ARMC2: variants seen among roughly 807,000 people sequenced by gnomAD.
ARMC2 encodes the protein armadillo repeat containing 2, also known as armadillo repeat-containing protein 2.
A neutral mutation model predicts 90.3 loss-of-function variants in ARMC2; 67 were observed. The ratio of observed to expected loss-of-function variants is 0.74; its 90% CI spans 0.61 to 0.91. The LOEUF (loss-of-function observed/expected upper bound fraction) is 0.91, where lower values mean the gene tolerates loss of function less well. Ranked by LOEUF, ARMC2 falls within the 40% of genes least tolerant of loss-of-function variation. ARMC2 has a pLI of 0.00. For synonymous variants in ARMC2, 393 were observed against 393.0 expected, an observed-to-expected ratio of 1.00 and a Z score of 0.00; for missense variants, 920 against 1,030.9, an observed-to-expected ratio of 0.89 and a Z score of 1.47.
the ARMC2 span, among the ~76,000 whole-genome samples, chr6:109,013,529 A>G: frequency 2.6e-5 from 4 of 152,192 alleles, no homozygotes; most frequent in Non-Finnish European, 4.4e-5. Flanking sequence ...TAATCAATTC[A>G]TGACAAGGAA....
At chr6:109,035,679 C>T in the ARMC2 span, among the ~76,000 whole-genome samples, 1 of 152,154 alleles carries the variant, frequency 6.6e-6, no homozygotes, top group East Asian at 1.9e-4. Flanking sequence ...TAATGCACTG[C>T]TGCCTCAAAT....
chr6:109,036,640 G>A, the ARMC2 span, among the ~76,000 whole-genome samples: 1 of 152,104 alleles, frequency 6.6e-6, no homozygotes, highest in Admixed American at 6.5e-5. Context: ...TTTTTTTTAG[G>A]TTGTGGTTTT....
chr6:108,953,644 A>T (rs1382650530), intron 13 of ARMC2, among the ~76,000 whole-genome samples: 1 of 152,266 alleles, frequency 6.6e-6, no homozygotes, highest in African/African-American at 2.4e-5. Flanking sequence ...GCAATTTTTT[A>T]AAATTATACT....
rs557115482 is a variant in ARMC2 at position 108,892,469 on chromosome 6, T to G, written c.672-1998T>G. Among the ~76,000 whole-genome samples the G allele has an allele frequency of 2.7e-5, 4 of 150,300 alleles. No homozygotes were observed. The East Asian group carries it at 7.7e-4, about 29-fold the overall frequency. The stretch of plus-strand genomic sequence containing the variant: ...AAGTGTTAAGTGTTTAAAAAAAAAA[T>G]GGGGTGGCTGGTGGGCGCCATGGCT... On this transcript the variant is annotated intron_variant, in intron 5 of 17. Coordinates refer to ENST00000392644, the MANE Select transcript of ARMC2 (RefSeq NM_032131.6).
the ARMC2 span, among the ~76,000 whole-genome samples, chr6:109,006,304 T>C: frequency 1.3e-5 from 2 of 152,070 alleles, no homozygotes; most frequent in Non-Finnish European, 2.9e-5. Context: ...ATTTTTTTAA[T>C]TTTTAAAATT....
chr6:108,990,682 C>T, the ARMC2 span: 1 of 1,614,052 alleles, frequency 6.2e-7, no homozygotes, highest in Non-Finnish European at 8.5e-7. Context: ...TTCCAAATTG[C>T]CCGTCTAAGC....
intron 3 of ARMC2, 117 bp from the exon 4 acceptor site, chr6:108,868,707 G>A (rs1425424176): frequency 1.1e-6 from 1 of 877,012 alleles, no homozygotes; most frequent in African/African-American, 1.7e-5. Flanking sequence ...AGGAAGCCAA[G>A]ATGAAGGCAG....
intron 5 of ARMC2, among the ~76,000 whole-genome samples, chr6:108,890,218 A>ACC (rs1276657256): frequency 8.6e-6 from 1 of 116,568 alleles, no homozygotes; most frequent in Non-Finnish European, 1.7e-5. Context: ...AAAAAAAAAA[A>ACC]AAAAAAAAAA....
intron 3 of ARMC2, among the ~76,000 whole-genome samples, chr6:108,859,327 T>C (rs185512994): frequency 1.3e-5 from 2 of 151,978 alleles, no homozygotes; most frequent in Non-Finnish European, 2.9e-5. Flanking sequence ...GGGAGACGGC[T>C]TCTCCTTGTG....
chr6:108,938,908 A>G (rs1776203502), intron 12 of ARMC2, among the ~76,000 whole-genome samples: 1 of 152,236 alleles, frequency 6.6e-6, no homozygotes, highest in Non-Finnish European at 1.5e-5. Flanking sequence ...TACCTCACCA[A>G]TATGAGAGAC....
At chr6:108,994,838 G>A in the ARMC2 span, among the ~76,000 whole-genome samples, 1 of 152,032 alleles carries the variant, frequency 6.6e-6, no homozygotes, top group South Asian at 2.1e-4. Flanking sequence ...GAGTAGCTGG[G>A]ACTACAGGTG....
rs562311621 is a variant in ARMC2 at position 108,938,277 on chromosome 6, CTGTT to C, written c.1596+1283_1596+1286del. 2.5e-3 allele frequency among the ~76,000 whole-genome samples: 382 copies of C among 152,278 alleles called. 4 individuals are homozygous for C. Among genetic ancestry groups the C allele is most frequent in the African/African-American group, 8.5e-3 (355 of 41,564 alleles). On this transcript the variant is annotated intron_variant, in intron 12 of 17. Transcript: ENST00000392644. ...TTAAGACCACCCCAAAACATAATCT[CTGTT>C]TGTTACTGACTAGCATTGAACTTAT...
chr6:108,850,725 A>G (rs969701049), intron 1 of ARMC2, among the ~76,000 whole-genome samples: 2 of 152,250 alleles, frequency 1.3e-5, no homozygotes, highest in African/African-American at 2.4e-5. Context: ...GCTCAAGTCT[A>G]TATTTAAAAA....
chr6:108,989,604 T>G, the ARMC2 span, among the ~76,000 whole-genome samples: 20 of 151,014 alleles, frequency 1.3e-4, no homozygotes, highest in East Asian at 2.5e-3. Flanking sequence ...TAGAGAGAGA[T>G]AGATATCTCT....
At chr6:108,862,041 A>G (rs1205911746) in intron 3 of ARMC2, among the ~76,000 whole-genome samples, 1 of 152,120 alleles carries the variant, frequency 6.6e-6, no homozygotes, top group East Asian at 1.9e-4. Context: ...GTTGGGTGCT[A>G]TGTTCACAGT....
At chr6:109,008,903 G>A in the ARMC2 span, 49 of 986,874 alleles carry the variant, frequency 5.0e-5, no homozygotes, top group Non-Finnish European at 5.8e-5. Context: ...TCTCTTTTAA[G>A]TAGGAGGCAA....
rs1778907667 is a variant in ARMC2 at position 108,973,618 on chromosome 6, T to C, written c.*104T>C. ...TTTCAGCATTAACAAATGTGGAAAG[T>C]TTTTCAAGAACTGGTTTTAGTGAGT... is the stretch of plus-strand genomic sequence containing the variant. On this transcript the variant is annotated 3_prime_UTR_variant, in exon 18 of 18. Transcript: ENST00000392644. The C allele has an allele frequency of 8.2e-7, 1 of 1,223,538 alleles. No homozygotes were observed. Among genetic ancestry groups the C allele is most frequent in the African/African-American group, 1.5e-5 (1 of 66,304 alleles). 75.8% of individuals were successfully genotyped at this position (1,223,538 alleles called of 1,614,324 possible).
At chr6:109,035,738 C>T in the ARMC2 span, among the ~76,000 whole-genome samples, 1 of 152,024 alleles carries the variant, frequency 6.6e-6, no homozygotes, top group Non-Finnish European at 1.5e-5. Flanking sequence ...GTAGCTGGGA[C>T]TACAGGTGCA....
At chr6:108,886,762 A>T in intron 5 of ARMC2, among the ~76,000 whole-genome samples, 1 of 149,360 alleles carries the variant, frequency 6.7e-6, no homozygotes, top group South Asian at 2.1e-4. Context: ...CTTGGCCCAC[A>T]AAGTGTGCAA....
Sources: gnomAD v4.1 joint callset for allele counts (sites outside exome capture counted in the v4.1 genomes callset) on GRCh38, gnomAD v4.1.1 for gene constraint, MANE v1.5 for transcripts, NCBI Gene and HGNC (gene_info 2026-07-23, HGNC 2026-07-21) for gene names.